PRDM2: variants seen among roughly 807,000 people sequenced by gnomAD.
PRDM2 encodes PR domain zinc finger protein 2.
A neutral mutation model predicts 130.0 loss-of-function variants in PRDM2; 30 were observed. The ratio of observed to expected loss-of-function variants is 0.23; its 90% CI spans 0.17 to 0.31. PRDM2 has a LOEUF of 0.31. PRDM2 is among the 10% of genes least tolerant of loss of function. The pLI is 1.00. For synonymous variants in PRDM2, 871 were observed against 782.4 expected (o/e 1.11, Z -1.89); for missense variants, 2,011 against 2,108.4 (o/e 0.95, Z 0.90).
At chr1:13,811,507 G>T (rs1407725988) in intron 8 of PRDM2, among the ~76,000 whole-genome samples, 3 of 152,224 alleles carry the variant, frequency 2.0e-5, no homozygotes, top group Admixed American at 1.3e-4. Flanking sequence ...CCTGGGGAGG[G>T]TGTGTGGTCC....
intron 2 of PRDM2, among the ~76,000 whole-genome samples, chr1:13,726,351 G>T (rs1642915240): frequency 1.3e-5 from 2 of 152,178 alleles, no homozygotes; most frequent in South Asian, 4.1e-4. Context: ...GCAGTAGAAG[G>T]GCCCTTCAGA....
intron 6 of PRDM2, among the ~76,000 whole-genome samples, chr1:13,750,803 A>C (rs1459774677): frequency 6.6e-6 from 1 of 150,444 alleles, no homozygotes. Context: ...CTTTTAACTG[A>C]GTTCTGGGAT....
chr1:13,787,473 T>C (rs1226658952), intron 8 of PRDM2: 1 of 985,392 alleles, frequency 1.0e-6, no homozygotes, highest in Non-Finnish European at 1.2e-6. Context: ...TACTGTTTTT[T>C]GTTCTCAACT....
chr1:13,730,939 A>C, intron 2 of PRDM2, 61 bp from the exon 3 acceptor site: 1 of 1,298,392 alleles, frequency 7.7e-7, no homozygotes, highest in Non-Finnish European at 1.1e-6. Context: ...AGAAAAAAAA[A>C]AAAACCCATG....
At chr1:13,787,464 A>C in intron 8 of PRDM2, 1 of 985,326 alleles carries the variant, frequency 1.0e-6, no homozygotes, top group Non-Finnish European at 1.2e-6. Flanking sequence ...TTTTATTCAT[A>C]CTGTTTTTTG....
intron 8 of PRDM2, chr1:13,783,168 G>A (rs745476719): frequency 1.9e-6 from 1 of 539,796 alleles, no homozygotes; most frequent in South Asian, 1.4e-5. Flanking sequence ...ATAGCTCAGT[G>A]TCATGTGTCT....
Position 13,779,286 on chromosome 1 carries a change from T to C in PRDM2, c.1491T>C (p.Asn497=), listed in dbSNP as rs769406362. ...YCKKVFGTHT[N]MRRHQRRVHE... is the part of the protein sequence containing the mutation. ...AAAAGGTTTTTGGAACTCATACTAATATGAGACGGCATCAGCGTAGAGTTC... is the reference window on the plus strand; with the variant it reads ...AAAAGGTTTTTGGAACTCATACTAACATGAGACGGCATCAGCGTAGAGTTC... The change falls in exon 8 of 10, where the codon AAT becomes AAC. Residue 497 remains asparagine (N), a synonymous_variant. Transcript: ENST00000311066. This position sits in a 1 kb window ranked among gnomAD's most constrained non-coding sequence, Gnocchi z 4.9. 1.2e-6 allele frequency: 2 copies of C among 1,614,056 alleles called. No homozygotes were observed. The highest frequency in any genetic ancestry group is 1.7e-5 in the Admixed American group (1 of 60,022).
intron 1 of PRDM2, among the ~76,000 whole-genome samples, chr1:13,710,174 G>T (rs1174150725): frequency 6.6e-6 from 1 of 152,200 alleles, no homozygotes; most frequent in Non-Finnish European, 1.5e-5. Flanking sequence ...ATGCTAGTTT[G>T]TGTCTTTGTT....
intron 6 of PRDM2, among the ~76,000 whole-genome samples, chr1:13,766,931 T>C (rs986449198): frequency 4.6e-5 from 7 of 152,244 alleles, no homozygotes; most frequent in Non-Finnish European, 8.8e-5. Context: ...AGGTGAAACA[T>C]TATTCTCTAG....
At chr1:13,717,477 G>C in intron 2 of PRDM2, 1 of 964,490 alleles carries the variant, frequency 1.0e-6, no homozygotes, top group Non-Finnish European at 1.2e-6. Context: ...TTGTTGCATC[G>C]CTGTTCAGAA....
In PRDM2 at chr1:13,731,024, A is replaced by G. The variant is rs764491339; in HGVS notation, c.34A>G (p.Thr12Ala). The G allele has an allele frequency of 2.4e-5, 38 of 1,610,072 alleles. No individual in the cohort carries two copies. The highest frequency in any genetic ancestry group is 3.1e-5 in the Non-Finnish European group (37 of 1,179,424). ...GAACACTACTGAGCCTGTGGCGGCC[A>G]CCGAGACCCTGGCTGAGGTACCCGA... is the stretch of plus-strand genomic sequence containing the variant. ...NQNTTEPVAA[T>A]ETLAEVPEHV... Residue 12 changes from threonine (T) to alanine (A), a missense_variant, in exon 3 of 10, where the codon ACC (threonine) becomes GCC (alanine). Thr to Ala is a moderately conservative substitution (Grantham distance 58). This residue lies in a region of PRDM2 where 79 missense variants were observed against 93.6 expected (regional missense o/e 0.84). Coordinates refer to ENST00000311066, the MANE Select transcript of PRDM2 (RefSeq NM_001393986.1).
chr1:13,714,349 T>C (rs904390864), intron 1 of PRDM2, among the ~76,000 whole-genome samples: 2 of 152,056 alleles, frequency 1.3e-5, no homozygotes, highest in African/African-American at 4.8e-5. Flanking sequence ...TTTTTTTTTT[T>C]TTTTCCTGAG....
intron 8 of PRDM2, among the ~76,000 whole-genome samples, chr1:13,811,518 T>C (rs1226310247): frequency 6.6e-6 from 1 of 152,198 alleles, no homozygotes; most frequent in Non-Finnish European, 1.5e-5. Context: ...TGTGTGGTCC[T>C]GAGACCATGT....
rs1227228734 is a variant in PRDM2, at chr1:13,716,972, A to T, written c.9+1358A>T. ...TTCATGTACAGGTGACTCTACCTAG[A>T]GATCACAAGTTCAATTTAATTAGCT... is the stretch of plus-strand genomic sequence containing the variant. On this transcript the variant is annotated intron_variant, in intron 2 of 9. Transcript: ENST00000311066. Among the ~76,000 whole-genome samples, 7 of 152,068 alleles carry T rather than the reference A, an allele frequency of 4.6e-5. 1 individual carries two copies. The highest frequency in any genetic ancestry group is 3.3e-4 in the Admixed American group (5 of 15,272).
chr1:13,749,537 G>GCCCC, intron 6 of PRDM2, 50 bp downstream of exon 6: 1 of 1,174,352 alleles, frequency 8.5e-7, no homozygotes, highest in Non-Finnish European at 1.1e-6. Context: ...CGCCCGCCCA[G>GCCCC]GACGCCGCCC....
intron 8 of PRDM2, chr1:13,787,545 C>A: frequency 2.0e-6 from 2 of 982,272 alleles, no homozygotes; most frequent in Non-Finnish European, 2.4e-6. Context: ...ATTTGTGCCA[C>A]TTTAATCCTT....
At chr1:13,795,499 G>C (rs1644909193) in intron 8 of PRDM2, among the ~76,000 whole-genome samples, 1 of 152,200 alleles carries the variant, frequency 6.6e-6, no homozygotes. Context: ...AGGTAGAAGG[G>C]AGCCCCTGGT....
chr1:13,817,795 C>T (rs527970002), intron 9 of PRDM2, among the ~76,000 whole-genome samples: 1 of 151,994 alleles, frequency 6.6e-6, no homozygotes, highest in Non-Finnish European at 1.5e-5. Context: ...ATCAGGAGAT[C>T]GAGACCATCC....
At chr1:13,732,971 A>G (rs1443888103) in intron 4 of PRDM2, 89 bp downstream of exon 4, 4 of 914,234 alleles carry the variant, frequency 4.4e-6, no homozygotes, top group Admixed American at 3.0e-5. Flanking sequence ...AATTTAAAAC[A>G]ATCATTTTAA....
Sources: allele counts gnomAD v4.1 joint callset (sites outside exome capture counted in the v4.1 genomes callset), GRCh38; gene constraint gnomAD v4.1.1; regional missense constraint gnomAD v4.1.1; non-coding constraint Gnocchi (gnomAD v3.1); transcripts MANE v1.5; gene names NCBI Gene and HGNC (gene_info 2026-07-23, HGNC 2026-07-21).